NLRP13: variants seen among roughly 807,000 people sequenced by gnomAD.
The protein encoded by NLRP13 is NLR family pyrin domain containing 13, also known as NACHT, LRR and PYD domains-containing protein 13.
NLRP13 carries 82 observed loss-of-function variants against 94.4 expected under a neutral mutation model. The ratio of observed to expected loss-of-function variants is 0.87; its 90% CI spans 0.73 to 1.04. The LOEUF (loss-of-function observed/expected upper bound fraction) is 1.04. Among genes scored for constraint, NLRP13 ranks in the 50% least tolerant of loss-of-function variants. NLRP13 has a pLI of 0.00. For synonymous variants in NLRP13, 553 were observed against 464.7 expected (o/e 1.19, Z -2.45); for missense variants, 1,426 against 1,230.8 (o/e 1.16, Z -2.37).
At chr19:55,926,031 G>A (rs547688153) in intron 1 of NLRP13, among the ~76,000 whole-genome samples, 3 of 152,248 alleles carry the variant, frequency 2.0e-5, no homozygotes, top group African/African-American at 7.2e-5. Flanking sequence ...CAGGGAGCCC[G>A]AGTGGGAACC....
intron 10 of NLRP13, 77 bp downstream of exon 10, chr19:55,898,693 C>T (rs367568400): frequency 2.3e-5 from 33 of 1,409,992 alleles, no homozygotes; most frequent in East Asian, 4.9e-5. Flanking sequence ...TTCTAACCCC[C>T]GATGGGATCC....
At position 55,912,295 on chromosome 19, in the gene NLRP13, G is replaced by A; in HGVS notation, c.1522C>T (p.Leu508=). 2 of 1,614,088 alleles carry A rather than the reference G, an allele frequency of 1.2e-6. No individual in the cohort carries two copies. Among genetic ancestry groups the A allele is most frequent in the African/African-American group, 1.3e-5 (1 of 75,048 alleles). Residue 508 remains leucine (L), a synonymous_variant, in exon 5 of 11, where the codon CTG becomes TTG. Coordinates refer to ENST00000342929, the MANE Select transcript of NLRP13 (RefSeq NM_176810.2). Reference sequence around the variant, plus strand: ...AGAGAATCAATGAAAGGCACTTCCAGGCCCTCGATCTCAGTGTCTTCTTTG... The same window carrying A: ...AGAGAATCAATGAAAGGCACTTCCAAGCCCTCGATCTCAGTGTCTTCTTTG... ...FNKEDTEIEG[L]EVPFIDSLYE...
chr19:55,902,277 C>A, intron 8 of NLRP13, 72 bp from the exon 9 acceptor site: 1 of 1,291,868 alleles, frequency 7.7e-7, no homozygotes, highest in Non-Finnish European at 1.0e-6. Flanking sequence ...AACAGAGCCT[C>A]AGGGCCCCCT....
chr19:55,895,905 T>G (rs117764698), downstream of NLRP13: 35,855 of 1,597,906 alleles, frequency 0.022, 512 homozygotes, highest in Middle Eastern at 0.042. Context: ...AATCTAGCCT[T>G]GTCCCTGTAT....
Position 55,912,547 on chromosome 19 carries a change from C to T in NLRP13, c.1270G>A (p.Ala424Thr). Residue 424 changes from alanine to threonine, a missense_variant, in exon 5 of 11, where the codon GCC becomes ACC. Ala to Thr is a moderately conservative substitution (Grantham distance 58). Coordinates refer to ENST00000342929, the MANE Select transcript of NLRP13 (RefSeq NM_176810.2). ...KNETLFHSCS[A>T]PMVCWTVCSC... ...CATACGGTCCAACACACCATGGGGG[C>T]ACTGCAGGAATGAAAGAGAGTTTCG... 1.2e-6 allele frequency: 2 copies of T among 1,614,092 alleles called. No individual in the cohort carries two copies. The highest frequency in any genetic ancestry group is 1.3e-5 in the African/African-American group (1 of 75,044).
At position 55,931,984 on chromosome 19, in the gene NLRP13, G is replaced by T; in HGVS notation, c.319+9C>A. 1 of 1,612,000 alleles carries T rather than the reference G, an allele frequency of 6.2e-7. No homozygotes were observed. The highest frequency in any genetic ancestry group is 8.5e-7 in the Non-Finnish European group (1 of 1,179,788). On this transcript the variant is annotated intron_variant, in intron 1 of 10. Coordinates refer to ENST00000342929, the MANE Select transcript of NLRP13 (RefSeq NM_176810.2). ...CAGCCCTCCCGCCTTCCTTCTTGAGGACTCTCACCTTTCATCTCGGCTCTA... is the reference window on the plus strand; with the variant it reads ...CAGCCCTCCCGCCTTCCTTCTTGAGTACTCTCACCTTTCATCTCGGCTCTA...
At chr19:55,918,629 T>C (rs576629941) in intron 4 of NLRP13, among the ~76,000 whole-genome samples, 3 of 151,734 alleles carry the variant, frequency 2.0e-5, no homozygotes, top group Non-Finnish European at 4.4e-5. Flanking sequence ...CAAGAAGAAA[T>C]AGATAAATTT....
Position 55,902,204 on chromosome 19 carries a change from G to A in NLRP13, c.2620C>T (p.Leu874Phe), listed in dbSNP as rs762255116. 116 of 1,613,448 alleles carry A rather than the reference G, an allele frequency of 7.2e-5. 1 individual carries two copies. The South Asian group carries it at 1.2e-3, about 17-fold the overall frequency. The change falls in exon 9 of 11, where the codon CTC becomes TTC. Residue 874 changes from leucine to phenylalanine, a missense_variant and splice_region_variant. Transcript: ENST00000342929. ...GGTGCTGCCAGCTGGCAAAACCAGA[G>A]CCTGCAGGGTGAAAGCCACAGAGAT... The part of the protein sequence containing the change: ...HPKCALERLE[L>F]WFCQLAAPAC...
intron 1 of NLRP13, 124 bp from the exon 2 acceptor site, chr19:55,925,159 C>T (rs1754191659): frequency 1.2e-6 from 1 of 833,348 alleles, no homozygotes; most frequent in Non-Finnish European, 2.0e-6. Context: ...TCTGATTCCT[C>T]CAGTTTTCTC....
intron 4 of NLRP13, among the ~76,000 whole-genome samples, chr19:55,922,929 T>C (rs1212702462): frequency 6.6e-6 from 1 of 152,196 alleles, no homozygotes; most frequent in Admixed American, 6.5e-5. Flanking sequence ...GAGTAGTGGG[T>C]GGATGTCTCT....
In NLRP13 at chr19:55,928,965, C is replaced by A. The variant is rs539864544; in HGVS notation, c.319+3028G>T. On this transcript the variant is annotated intron_variant, in intron 1 of 10. Coordinates refer to ENST00000342929, the MANE Select transcript of NLRP13 (RefSeq NM_176810.2). ...AAAAAAAATCTCATCAAAAAGTGGGCGAAGTATATGAACAGACACTTCTCA... is the reference window on the plus strand; with the variant it reads ...AAAAAAAATCTCATCAAAAAGTGGGAGAAGTATATGAACAGACACTTCTCA... Among the ~76,000 whole-genome samples, 39 of 152,056 alleles carry A rather than the reference C, an allele frequency of 2.6e-4. 1 individual carries two copies. Among genetic ancestry groups the A allele is most frequent in the Admixed American group, 2.1e-3 (32 of 15,274 alleles).
chr19:55,900,467 G>A (rs1022072507), intron 9 of NLRP13, among the ~76,000 whole-genome samples: 1 of 152,142 alleles, frequency 6.6e-6, no homozygotes, highest in African/African-American at 2.4e-5. Context: ...ACAGTGTGAC[G>A]ATTCCTCGAG....
In NLRP13 at chr19:55,912,782, T is replaced by C. The variant is rs745563738; in HGVS notation, c.1035A>G (p.Leu345=). 2.0e-5 allele frequency: 33 copies of C among 1,614,038 alleles called. 1 individual carries two copies. In the South Asian group the frequency reaches 2.3e-4, roughly 11 times the overall value. ...CCAATTCTTTCTTCAACAAGCTGTG[T>C]AGGATTTTGGTCACTGGGAGCTCCT... The part of the protein sequence containing the change: ...WYQELPVTKI[L]HSLLKKELVP... Residue 345 remains leucine, a synonymous_variant, in exon 5 of 11, where the codon CTA becomes CTG. Transcript: ENST00000342929.
chr19:55,915,626 C>G (rs879598732), intron 4 of NLRP13, among the ~76,000 whole-genome samples: 2 of 152,012 alleles, frequency 1.3e-5, no homozygotes, highest in Non-Finnish European at 2.9e-5. Flanking sequence ...TAGATAATCA[C>G]AATTCAAACA....
chr19:55,924,151 C>T (rs545351502), intron 3 of NLRP13, among the ~76,000 whole-genome samples, 172 bp from the exon 4 acceptor site: 1 of 152,260 alleles, frequency 6.6e-6, no homozygotes, highest in Admixed American at 6.5e-5. Context: ...GAAATGGAGT[C>T]TCACTCTGTT....
At chr19:55,904,334 C>T (rs977512967) in intron 8 of NLRP13, among the ~76,000 whole-genome samples, 13 of 152,076 alleles carry the variant, frequency 8.5e-5, no homozygotes, top group African/African-American at 2.7e-4. Context: ...GTGATCTGCC[C>T]GCCTCAGCCT....
Position 55,902,147 on chromosome 19 carries a change from G to T in NLRP13, c.2677C>A (p.Gln893Lys). ...TTCAGGTGTGTCAGGCTCCTGTTCT[G>T]CAGGAGAGCATCTGACAAGTGCTTG... Reference protein sequence around the residue: ...ACKHLSDALLQNRSLTHLNLS... With the variant: ...ACKHLSDALLKNRSLTHLNLS... Residue 893 changes from glutamine (Q) to lysine (K), a missense_variant, in exon 9 of 11, where the codon CAG (glutamine) becomes AAG (lysine). By Grantham distance (53) the Gln-to-Lys change is moderately conservative. Coordinates refer to ENST00000342929, the MANE Select transcript of NLRP13 (RefSeq NM_176810.2). 6.2e-7 allele frequency: 1 copy of T among 1,614,030 alleles called. No homozygotes were observed. Among genetic ancestry groups the T allele is most frequent in the South Asian group, 1.1e-5 (1 of 91,072 alleles).
chr19:55,906,337 C>CAAAAAAAAAAAAAAAAAAA (rs71182931), intron 7 of NLRP13, among the ~76,000 whole-genome samples: 1 of 60,978 alleles, frequency 1.6e-5, no homozygotes, highest in African/African-American at 7.4e-5. Flanking sequence ...GACTCCATCT[C>CAAAAAAAAAAAAAAAAAAA]AAAAAAAAAA....
intron 4 of NLRP13, among the ~76,000 whole-genome samples, chr19:55,923,303 G>A (rs1986882105): frequency 6.6e-6 from 1 of 152,186 alleles, no homozygotes; most frequent in African/African-American, 2.4e-5. Flanking sequence ...GAAGTTGTAG[G>A]AAAAATGCAA....
Sources: allele counts gnomAD v4.1 joint callset (sites outside exome capture counted in the v4.1 genomes callset), GRCh38; gene constraint gnomAD v4.1.1; transcripts MANE v1.5; gene names NCBI Gene and HGNC (gene_info 2026-07-23, HGNC 2026-07-21).